ELP4: variants seen among roughly 807,000 people sequenced by gnomAD.
ELP4 encodes elongator acetyltransferase complex subunit 4, also known as elongator complex protein 4.
A neutral mutation model predicts 48.9 loss-of-function variants in ELP4; 51 were observed. That is an observed-to-expected ratio of 1.04 (90% CI 0.83 to 1.32). The LOEUF (loss-of-function observed/expected upper bound fraction) is 1.32. ELP4 is among the 40% of genes most tolerant of loss of function. The probability of loss-of-function intolerance (pLI) is 0.00; values close to 1 mark genes in which losing one functional copy is unlikely to be tolerated. For synonymous variants in ELP4, 210 were observed against 189.2 expected (o/e 1.11, Z -0.90); for missense variants, 519 against 514.6 (o/e 1.01, Z -0.08).
At chr11:31,549,717 G>A (rs1407749669) in intron 3 of ELP4, among the ~76,000 whole-genome samples, 2 of 152,192 alleles carry the variant, frequency 1.3e-5, no homozygotes, top group African/African-American at 2.4e-5. Context: ...ATTCACAATA[G>A]CAAAGACTTG....
chr11:31,514,898 G>T (rs1956078582), intron 1 of ELP4, among the ~76,000 whole-genome samples: 2 of 151,868 alleles, frequency 1.3e-5, no homozygotes, highest in Admixed American at 1.3e-4. Context: ...TCAAGTAAGA[G>T]ACATCAAAAT....
chr11:31,755,336 G>A (rs1056934826), intron 9 of ELP4, among the ~76,000 whole-genome samples: 1 of 152,058 alleles, frequency 6.6e-6, no homozygotes, highest in Admixed American at 6.5e-5. Flanking sequence ...TTCCTCAAAG[G>A]ATGCAAAAAT....
At chr11:31,550,856 C>T (rs1212692291) in intron 3 of ELP4, among the ~76,000 whole-genome samples, 1 of 152,124 alleles carries the variant, frequency 6.6e-6, no homozygotes, top group Non-Finnish European at 1.5e-5. Flanking sequence ...AAACAAAATG[C>T]CTTGAGCATC....
intron 5 of ELP4, among the ~76,000 whole-genome samples, chr11:31,620,389 G>C (rs148539958): frequency 0.014 from 2,136 of 152,134 alleles, 30 homozygotes; most frequent in Non-Finnish European, 0.023. Flanking sequence ...ATGATATAGA[G>C]ATCTCAGCAG....
chr11:31,580,501 T>C (rs1957370832), intron 3 of ELP4, among the ~76,000 whole-genome samples: 1 of 152,152 alleles, frequency 6.6e-6, no homozygotes, highest in African/African-American at 2.4e-5. Context: ...CCTTCCAATT[T>C]TTATGTTTAT....
chr11:31,543,548 T>A (rs1035577005), intron 3 of ELP4, among the ~76,000 whole-genome samples: 1 of 152,156 alleles, frequency 6.6e-6, no homozygotes, highest in African/African-American at 2.4e-5. Flanking sequence ...CTTGATCTCC[T>A]GACCTCATGA....
rs1040876400 is a variant in ELP4 at position 31,786,658 on chromosome 11, T to C, written c.*3134T>C. On this transcript the variant is annotated 3_prime_UTR_variant, in exon 10 of 10. Transcript: ENST00000640961. ...AGCTGAATCTTCAAATAATACTGTA[T>C]GAGTGAATCTTAGGAAACCTAGTGA... 5 of 220,466 alleles carry C rather than the reference T, an allele frequency of 2.3e-5. No homozygotes were observed. Among genetic ancestry groups the C allele is most frequent in the African/African-American group, 1.1e-4 (5 of 43,518 alleles). 13.7% of individuals were successfully genotyped at this position (220,466 alleles called of 1,614,324 possible).
intron 9 of ELP4, among the ~76,000 whole-genome samples, chr11:31,711,467 A>T (rs1477079533): frequency 6.6e-6 from 1 of 152,194 alleles, no homozygotes; most frequent in Non-Finnish European, 1.5e-5. Flanking sequence ...GCACCAGTGA[A>T]CTAATAATTA....
chr11:31,699,866 G>T (rs1946485195), intron 9 of ELP4, among the ~76,000 whole-genome samples: 1 of 152,148 alleles, frequency 6.6e-6, no homozygotes, highest in Admixed American at 6.6e-5. Context: ...TGAGGAAATA[G>T]TAGATAGATC....
rs911361188 is a variant in ELP4, at chr11:31,786,978, C to CT, written c.*3455dup. 26 of 218,946 alleles carry CT rather than the reference C, an allele frequency of 1.2e-4. No homozygotes were observed. Among genetic ancestry groups the CT allele is most frequent in the African/African-American group, 5.4e-4 (24 of 44,500 alleles). The allele number at this position is 218,946 out of a possible 1,614,324, so 13.6% of individuals were successfully genotyped here. A position where few individuals can be genotyped will look rare whatever the true frequency, so the allele number is the denominator to read the frequency against. On this transcript the variant is annotated 3_prime_UTR_variant, in exon 10 of 10. Transcript: ENST00000640961. ...CCTGGAAGATGGTGTCAAAACATCCCTGCAGATACCCCATTGATAAATATA... is the reference window on the plus strand; with the variant it reads ...CCTGGAAGATGGTGTCAAAACATCCCTTGCAGATACCCCATTGATAAATATA...
intron 2 of ELP4, among the ~76,000 whole-genome samples, chr11:31,521,106 C>G (rs1458682312): frequency 1.3e-5 from 2 of 151,900 alleles, no homozygotes; most frequent in East Asian, 3.8e-4. Flanking sequence ...GAGTAAAATA[C>G]AAAGTGGTGA....
intron 2 of ELP4, among the ~76,000 whole-genome samples, chr11:31,537,457 G>C (rs1048508347): frequency 1.3e-5 from 2 of 152,158 alleles, no homozygotes. Flanking sequence ...TCTTTGTTCA[G>C]ATTTCTTTGA....
At chr11:31,551,357 T>C (rs1003583492) in intron 3 of ELP4, among the ~76,000 whole-genome samples, 1 of 152,202 alleles carries the variant, frequency 6.6e-6, no homozygotes, top group Admixed American at 6.5e-5. Flanking sequence ...TGCTGATTTC[T>C]TTGGGACATT....
At chr11:31,567,728 A>G (rs927834859) in intron 3 of ELP4, among the ~76,000 whole-genome samples, 2 of 152,200 alleles carry the variant, frequency 1.3e-5, no homozygotes, top group Non-Finnish European at 2.9e-5. Context: ...CCCAGTGCAT[A>G]TAAAGTTATG....
chr11:31,572,999 C>G (rs1957212488), intron 3 of ELP4, among the ~76,000 whole-genome samples: 1 of 152,028 alleles, frequency 6.6e-6, no homozygotes, highest in Non-Finnish European at 1.5e-5. Context: ...CAAAGCAAGA[C>G]TCTGTCTCAA....
chr11:31,538,791 G>A (rs916945018), intron 2 of ELP4, among the ~76,000 whole-genome samples: 1 of 151,964 alleles, frequency 6.6e-6, no homozygotes, highest in Non-Finnish European at 1.5e-5. Flanking sequence ...TGTTTCTGTT[G>A]TATCTTGTTC....
chr11:31,741,857 A>C (rs1351967024), intron 9 of ELP4, among the ~76,000 whole-genome samples: 1 of 152,230 alleles, frequency 6.6e-6, no homozygotes, highest in Non-Finnish European at 1.5e-5. Flanking sequence ...CTGCAAAGGA[A>C]CGCAGCTCCT....
intron 7 of ELP4, among the ~76,000 whole-genome samples, chr11:31,643,468 G>A (rs779282680): frequency 5.3e-5 from 8 of 151,738 alleles, no homozygotes; most frequent in Middle Eastern, 3.4e-3. Context: ...TTTTGTGTTC[G>A]TACAAATTGC....
intron 3 of ELP4, among the ~76,000 whole-genome samples, chr11:31,555,406 G>A (rs191621763): frequency 6.6e-6 from 1 of 152,022 alleles, no homozygotes; most frequent in Admixed American, 6.6e-5. Flanking sequence ...TCACCTGTTA[G>A]TAATATTTCT....
Sources: gnomAD v4.1 joint callset for allele counts (sites outside exome capture counted in the v4.1 genomes callset) on GRCh38, gnomAD v4.1.1 for gene constraint, MANE v1.5 for transcripts, NCBI Gene and HGNC (gene_info 2026-07-23, HGNC 2026-07-21) for gene names.